Variants in CTNNA2 observed in about 807,000 individuals in gnomAD.
CTNNA2 encodes the protein catenin alpha 2.
A neutral mutation model predicts 101.0 loss-of-function variants in CTNNA2; 42 were observed. That is an observed-to-expected ratio of 0.42 (90% CI 0.32 to 0.54). The LOEUF (loss-of-function observed/expected upper bound fraction) is 0.54, where lower values mean the gene tolerates loss of function less well. Ranked by LOEUF, CTNNA2 falls within the 20% of genes least tolerant of loss-of-function variation. The pLI is 0.14. For synonymous variants in CTNNA2, 450 were observed against 456.4 expected, an observed-to-expected ratio of 0.99 and a Z score of 0.18; for missense variants, 871 against 1,223.1, an observed-to-expected ratio of 0.71 and a Z score of 4.29.
chr2:79,240,329 C>T (rs1213876662), intron 2 of CTNNA2, among the ~76,000 whole-genome samples: 1 of 151,846 alleles, frequency 6.6e-6, no homozygotes, highest in Admixed American at 6.6e-5. Flanking sequence ...AGGTAGTAAG[C>T]ATAGTACCTG....
At chr2:80,500,879 ATC>A (rs2149532476) in intron 9 of CTNNA2, among the ~76,000 whole-genome samples, 1 of 152,342 alleles carries the variant, frequency 6.6e-6, no homozygotes, top group Non-Finnish European at 1.5e-5. Flanking sequence ...CAAGCTTATT[ATC>A]TCTCCTCCAG....
rs145569381 is a variant in CTNNA2, at chr2:79,949,207, T to A, written c.1056+39410T>A. Among the ~76,000 whole-genome samples the A allele has an allele frequency of 2.7e-4, 41 of 152,306 alleles. No homozygotes were observed. The East Asian group carries it at 7.3e-3, about 27-fold the overall frequency. ...AGTCTCAATAGGATAATCACTTATA[T>A]TTCATATTGTAAGGAGCAAGTATGT... On this transcript the variant is annotated intron_variant, in intron 7 of 18. Transcript: ENST00000402739.
At chr2:79,193,742 A>G (rs950782781) in intron 1 of CTNNA2, among the ~76,000 whole-genome samples, 2 of 152,196 alleles carry the variant, frequency 1.3e-5, no homozygotes, top group Non-Finnish European at 2.9e-5. Context: ...GTGACTGTAT[A>G]TTAAGCATAA....
At chr2:79,647,243 T>C (rs1471264728) in intron 1 of CTNNA2, among the ~76,000 whole-genome samples, 1 of 152,200 alleles carries the variant, frequency 6.6e-6, no homozygotes, top group East Asian at 1.9e-4. Context: ...AATCTGGATC[T>C]CTATTTTAAT....
At chr2:79,822,372 C>T (rs148085654) in intron 3 of CTNNA2, among the ~76,000 whole-genome samples, 6 of 152,188 alleles carry the variant, frequency 3.9e-5, no homozygotes, top group African/African-American at 1.2e-4. Flanking sequence ...TTTTTATTCA[C>T]TTAAATATGC....
chr2:79,829,294 G>A (rs185094817), intron 3 of CTNNA2, among the ~76,000 whole-genome samples: 291 of 151,028 alleles, frequency 1.9e-3, no homozygotes, highest in African/African-American at 6.9e-3. Flanking sequence ...CGAGGTGGGC[G>A]GATCATAAGG....
intron 2 of CTNNA2, among the ~76,000 whole-genome samples, chr2:79,290,966 C>T (rs1169224415): frequency 3.9e-5 from 6 of 152,154 alleles, no homozygotes; most frequent in Non-Finnish European, 7.3e-5. Flanking sequence ...CTGTAATACA[C>T]GCCCACTGGG....
chr2:79,777,245 A>C (rs1386714315), intron 3 of CTNNA2: 3 of 152,060 alleles, frequency 2.0e-5, no homozygotes, highest in Non-Finnish European at 4.4e-5. Context: ...AAGTGAAAGC[A>C]ATCTGTCAAC....
intron 4 of CTNNA2, among the ~76,000 whole-genome samples, chr2:79,375,323 T>C (rs1353718409): frequency 6.6e-6 from 1 of 152,200 alleles, no homozygotes; most frequent in East Asian, 1.9e-4. Context: ...AAGCTTTTTG[T>C]AAGAATTGCA....
At chr2:80,384,251 T>G (rs189654413) in intron 7 of CTNNA2, among the ~76,000 whole-genome samples, 168 of 152,186 alleles carry the variant, frequency 1.1e-3, no homozygotes, top group African/African-American at 3.8e-3. Flanking sequence ...ATAATTCTTC[T>G]GTAGGTGAAC....
At chr2:80,142,333 A>G (rs1703065524) in intron 7 of CTNNA2, among the ~76,000 whole-genome samples, 1 of 152,094 alleles carries the variant, frequency 6.6e-6, no homozygotes, top group Admixed American at 6.6e-5. Context: ...CCTTGCCATA[A>G]ATGCCTCACT....
chr2:79,858,341 A>G (rs1408030804), intron 4 of CTNNA2, among the ~76,000 whole-genome samples, 162 bp downstream of exon 4: 1 of 152,190 alleles, frequency 6.6e-6, no homozygotes, highest in Non-Finnish European at 1.5e-5. Flanking sequence ...TAATAAAATT[A>G]TATTCAATAA....
chr2:79,752,909 A>G (rs1672139592), intron 3 of CTNNA2, among the ~76,000 whole-genome samples: 2 of 152,242 alleles, frequency 1.3e-5, no homozygotes, highest in Admixed American at 6.5e-5. Context: ...GCATGAAGTG[A>G]TGCAGAGAGG....
chr2:79,259,001 A>G (rs1674886357), intron 2 of CTNNA2, among the ~76,000 whole-genome samples: 1 of 152,144 alleles, frequency 6.6e-6, no homozygotes, highest in South Asian at 2.1e-4. Flanking sequence ...TGTGAAACGC[A>G]TGACCCTAAG....
chr2:80,590,287 T>C (rs1227121400), intron 15 of CTNNA2, among the ~76,000 whole-genome samples: 2 of 152,230 alleles, frequency 1.3e-5, no homozygotes, highest in Admixed American at 6.5e-5. Context: ...ATCAGGTGAT[T>C]TGGGGGCAAG....
chr2:80,569,633 G>GTTTTTTGTTTTT (rs1553392642), intron 12 of CTNNA2, among the ~76,000 whole-genome samples: 2 of 51,718 alleles, frequency 3.9e-5, no homozygotes, highest in African/African-American at 1.2e-4. Context: ...GGGTATTTAG[G>GTTTTTTGTTTTT]TTTTTTTTTT....
intron 9 of CTNNA2, among the ~76,000 whole-genome samples, chr2:80,526,973 G>T (rs1690096233): frequency 6.6e-6 from 1 of 152,136 alleles, no homozygotes; most frequent in Non-Finnish European, 1.5e-5. Flanking sequence ...GTAGAATATG[G>T]TCATTGTACA....
At chr2:79,671,162 T>A (rs1357603642) in intron 2 of CTNNA2, among the ~76,000 whole-genome samples, 2 of 152,176 alleles carry the variant, frequency 1.3e-5, no homozygotes, top group Non-Finnish European at 2.9e-5. Context: ...GGAAAGGATG[T>A]TGTTGCCTGG....
chr2:80,207,320 T>C (rs1343157005), intron 7 of CTNNA2, among the ~76,000 whole-genome samples: 1 of 152,198 alleles, frequency 6.6e-6, no homozygotes, highest in Non-Finnish European at 1.5e-5. Context: ...GATAGCTATA[T>C]TGAGCCTAGC....
Sources: gnomAD v4.1 joint callset for allele counts (sites outside exome capture counted in the v4.1 genomes callset) on GRCh38, gnomAD v4.1.1 for gene constraint, MANE v1.5 for transcripts, NCBI Gene and HGNC (gene_info 2026-07-23, HGNC 2026-07-21) for gene names.